The following TANC2 variants were observed in gnomAD, a reference collection of about 807,000 sequenced individuals.
The protein encoded by TANC2 is tetratricopeptide repeat, ankyrin repeat and coiled-coil containing 2, also known as protein TANC2.
A neutral mutation model predicts 210.5 loss-of-function variants in TANC2; 26 were observed. That is an observed-to-expected ratio of 0.12 (90% CI 0.09 to 0.17). The LOEUF (loss-of-function observed/expected upper bound fraction) is 0.17. TANC2 is among the 10% of genes least tolerant of loss of function. The probability of loss-of-function intolerance (pLI) is 1.00; values close to 1 mark genes in which losing one functional copy is unlikely to be tolerated. For synonymous variants in TANC2, 931 were observed against 967.1 expected, an observed-to-expected ratio of 0.96 and a Z score of 0.69; for missense variants, 2,129 against 2,608.9, an observed-to-expected ratio of 0.82 and a Z score of 4.01.
intron 9 of TANC2, among the ~76,000 whole-genome samples, chr17:63,295,590 C>A (rs1026197318): frequency 1.2e-4 from 18 of 152,152 alleles, no homozygotes; most frequent in African/African-American, 3.9e-4. Flanking sequence ...ATGAAAATTC[C>A]TAAAGGGAAG....
intron 3 of TANC2, among the ~76,000 whole-genome samples, chr17:63,077,431 A>G (rs1180455928): frequency 6.6e-6 from 1 of 152,208 alleles, no homozygotes; most frequent in East Asian, 1.9e-4. Context: ...AAAGTCAATA[A>G]AGCAGAAAGA....
chr17:63,019,279 G>A (rs1242648399), intron 2 of TANC2, among the ~76,000 whole-genome samples: 8 of 152,188 alleles, frequency 5.3e-5, no homozygotes, highest in Admixed American at 1.3e-4. Flanking sequence ...ATGCAGTGGC[G>A]TGATCATGAC....
intron 1 of TANC2, among the ~76,000 whole-genome samples, chr17:62,983,657 G>A (rs1000132688): frequency 2.0e-5 from 3 of 151,978 alleles, no homozygotes; most frequent in Non-Finnish European, 4.4e-5. Flanking sequence ...CTTATTTATT[G>A]ACAGTTTTTT....
intron 14 of TANC2, among the ~76,000 whole-genome samples, chr17:63,379,057 G>T (rs2047519146): frequency 6.6e-6 from 1 of 152,188 alleles, no homozygotes. Context: ...CTAGAGCGAG[G>T]AAAGAATAGG....
At chr17:63,190,179 T>A (rs1028028413) in intron 5 of TANC2, among the ~76,000 whole-genome samples, 6 of 151,728 alleles carry the variant, frequency 4.0e-5, no homozygotes, top group Admixed American at 6.6e-5. Context: ...TACAAAAAAA[T>A]TTTTAAAAAA....
intron 4 of TANC2, among the ~76,000 whole-genome samples, chr17:63,140,524 G>A (rs2039250088): frequency 2.0e-5 from 3 of 152,106 alleles, no homozygotes; most frequent in Admixed American, 2.0e-4. Context: ...CAGGGACTAT[G>A]TCACTTCTGC....
intron 5 of TANC2, among the ~76,000 whole-genome samples, chr17:63,181,071 A>G (rs1449009323): frequency 6.7e-6 from 1 of 148,974 alleles, no homozygotes; most frequent in African/African-American, 2.5e-5. Flanking sequence ...TAGTGATGTA[A>G]TTTAGCTCCG....
intron 21 of TANC2, among the ~76,000 whole-genome samples, chr17:63,407,309 A>G (rs2048543231): frequency 6.6e-6 from 1 of 152,136 alleles, no homozygotes; most frequent in South Asian, 2.1e-4. Context: ...ATTTGGCTTC[A>G]TGCTCTCTCC....
intron 8 of TANC2, among the ~76,000 whole-genome samples, chr17:63,252,185 G>A (rs1032854660): frequency 6.6e-6 from 1 of 151,948 alleles, no homozygotes; most frequent in African/African-American, 2.4e-5. Context: ...AATATTAGAT[G>A]AGTATAATTT....
intron 9 of TANC2, among the ~76,000 whole-genome samples, chr17:63,276,730 A>T (rs2043887007): frequency 6.6e-6 from 1 of 152,120 alleles, no homozygotes; most frequent in Non-Finnish European, 1.5e-5. Context: ...TTTTTAAAAC[A>T]CTAAGACAAA....
At chr17:63,205,343 G>GAA (rs2041666994) in intron 7 of TANC2, among the ~76,000 whole-genome samples, 1 of 7,188 alleles carries the variant, frequency 1.4e-4, no homozygotes, top group African/African-American at 1.2e-3. Flanking sequence ...AACCAAGGAG[G>GAA]CAAAAAAAAA....
chr17:63,113,224 TAAC>T (rs1201745627), intron 4 of TANC2, among the ~76,000 whole-genome samples: 1 of 152,214 alleles, frequency 6.6e-6, no homozygotes, highest in Admixed American at 6.5e-5. Context: ...GTTCACATTA[TAAC>T]AACAGAAATT....
At chr17:63,024,357 A>G (rs1166247353) in intron 2 of TANC2, among the ~76,000 whole-genome samples, 2 of 152,164 alleles carry the variant, frequency 1.3e-5, no homozygotes, top group Admixed American at 1.3e-4. Flanking sequence ...TTTTTAGACC[A>G]TATAGGGTAA....
chr17:63,366,887 G>A (rs1261374935), intron 14 of TANC2, among the ~76,000 whole-genome samples: 5 of 152,104 alleles, frequency 3.3e-5, no homozygotes, highest in Non-Finnish European at 5.9e-5. Context: ...AATAATTTTC[G>A]CCAAGAAGCA....
chr17:63,297,585 G>C (rs2044574775), intron 9 of TANC2, among the ~76,000 whole-genome samples: 3 of 152,010 alleles, frequency 2.0e-5, no homozygotes, highest in Admixed American at 2.0e-4. Context: ...CTACAGATAA[G>C]AGCTCCAACT....
At chr17:63,125,890 G>C (rs992007782) in intron 4 of TANC2, among the ~76,000 whole-genome samples, 1 of 152,134 alleles carries the variant, frequency 6.6e-6, no homozygotes, top group Non-Finnish European at 1.5e-5. Flanking sequence ...ATAATGTAGC[G>C]TAAGCTTATC....
chr17:63,362,225 G>T (rs987739631), intron 14 of TANC2, among the ~76,000 whole-genome samples: 1 of 152,122 alleles, frequency 6.6e-6, no homozygotes, highest in Non-Finnish European at 1.5e-5. Context: ...GCTCCTATCT[G>T]CAGGCAGGTT....
At chr17:63,422,371 C>T (rs116112765) in exon 28 of TANC2, 2,640 of 186,348 alleles carry the variant, frequency 0.014, 25 homozygotes, top group African/African-American at 0.017. Flanking sequence ...AGAAAGAGTG[C>T]GATGCCCCTT....
At chr17:63,195,705 C>G (rs914145796) in intron 6 of TANC2, among the ~76,000 whole-genome samples, 4 of 152,274 alleles carry the variant, frequency 2.6e-5, no homozygotes, top group Admixed American at 1.3e-4. Context: ...CTCTTGCCCC[C>G]CTGTAGTCTG....
Sources: allele counts gnomAD v4.1 joint callset (sites outside exome capture counted in the v4.1 genomes callset), GRCh38; gene constraint gnomAD v4.1.1; transcripts MANE v1.5; gene names NCBI Gene and HGNC (gene_info 2026-07-23, HGNC 2026-07-21).